NLRP5: variants seen among roughly 807,000 people sequenced by gnomAD.
NLRP5 encodes NLR family pyrin domain containing 5.
Under a neutral mutation model 113.1 loss-of-function variants are expected in NLRP5, and 93 were observed. The ratio of observed to expected loss-of-function variants is 0.82; its 90% confidence interval spans 0.70 to 0.98. The LOEUF (loss-of-function observed/expected upper bound fraction) is 0.98. NLRP5 is among the 50% of genes least tolerant of loss of function. NLRP5 has a pLI of 0.00. For synonymous variants in NLRP5, 751 were observed against 600.7 expected (o/e 1.25, Z -3.66); for missense variants, 1,808 against 1,514.3 (o/e 1.19, Z -3.22).
chr19:56,002,449 C>T (rs1441486608), intron 1 of NLRP5, among the ~76,000 whole-genome samples: 2 of 151,368 alleles, frequency 1.3e-5, no homozygotes, highest in African/African-American at 2.4e-5. Flanking sequence ...ATCTATTTGC[C>T]AGAGGTTTTT....
chr19:56,054,004 C>T (rs370721119), intron 13 of NLRP5, among the ~76,000 whole-genome samples, 196 bp downstream of exon 13: 8 of 152,122 alleles, frequency 5.3e-5, no homozygotes, highest in African/African-American at 1.9e-4. Flanking sequence ...GATGAAGTGG[C>T]AAATGCTTGG....
chr19:56,053,799 C>T lies in NLRP5; in HGVS notation c.3290C>T (p.Ala1097Val), dbSNP rs377588935. Reference sequence around the variant, plus strand: ...CTGAAGCAAAAGAACAGTGTTCTGGCGAGACTCGGGTAACTTCCTGGGGCG... The same window carrying T: ...CTGAAGCAAAAGAACAGTGTTCTGGTGAGACTCGGGTAACTTCCTGGGGCG... Residue 1097 changes from alanine (A) to valine (V), a missense_variant, in exon 13 of 15, where the codon GCG (alanine) becomes GTG (valine). Coordinates refer to ENST00000390649, the MANE Select transcript of NLRP5 (RefSeq NM_153447.4). The T allele has an allele frequency of 1.0e-4, 165 of 1,613,220 alleles. No individual in the cohort carries two copies. The highest frequency in any genetic ancestry group is 4.2e-4 in the Admixed American group (25 of 59,974).
chr19:56,040,732 A>G (rs1983490243), intron 10 of NLRP5, among the ~76,000 whole-genome samples, 190 bp from the exon 11 acceptor site: 1 of 152,156 alleles, frequency 6.6e-6, no homozygotes, highest in African/African-American at 2.4e-5. Context: ...TACTTAGAGT[A>G]TTCTTTTGGG....
At chr19:56,018,849 A>C (rs934043076) in intron 4 of NLRP5, 25 of 155,374 alleles carry the variant, frequency 1.6e-4, no homozygotes, top group African/African-American at 6.0e-4. Context: ...TTTGGAGTGC[A>C]GTGGCATGAT....
chr19:56,051,463 G>T (rs756175567), intron 12 of NLRP5, among the ~76,000 whole-genome samples: 3 of 152,164 alleles, frequency 2.0e-5, no homozygotes, highest in Non-Finnish European at 4.4e-5. Context: ...AAAGTGCTGG[G>T]ATTACAGGTG....
At chr19:55,996,091 TGAAC>T (rs1214967165), upstream of NLRP5, among the ~76,000 whole-genome samples, 3 of 152,302 alleles carry the variant, frequency 2.0e-5, no homozygotes, top group African/African-American at 7.2e-5. Flanking sequence ...CCTGCAAACA[TGAAC>T]AATCTACTTC....
At position 56,028,632 on chromosome 19, in the gene NLRP5, A is replaced by C. The variant is rs541905855; in HGVS notation, c.2276+123A>C. On this transcript the variant is annotated intron_variant, in intron 7 of 14. Coordinates refer to ENST00000390649, the MANE Select transcript of NLRP5 (RefSeq NM_153447.4). Reference sequence around the variant, plus strand: ...AGAATTCTTTCAGGATGAATGGCCCAGATGACGTCCAGCTGGCTAAAATGC... The same window carrying C: ...AGAATTCTTTCAGGATGAATGGCCCCGATGACGTCCAGCTGGCTAAAATGC... 17 of 954,322 alleles carry C rather than the reference A, an allele frequency of 1.8e-5. 1 individual carries two copies. The Admixed American group carries it at 3.6e-4, about 20-fold the overall frequency. 59.1% of individuals were successfully genotyped at this position (954,322 alleles called of 1,614,324 possible).
intron 3 of NLRP5, 39 bp from the exon 4 acceptor site, chr19:56,015,703 A>AGTAT: frequency 6.6e-7 from 1 of 1,504,492 alleles, no homozygotes; most frequent in Middle Eastern, 1.7e-4. Context: ...TAATATACAC[A>AGTAT]GTATGTTTGT....
Position 56,008,905 on chromosome 19 carries a change from G to C in NLRP5, c.508+52G>C, listed in dbSNP as rs896983289. On this transcript the variant is annotated intron_variant, in intron 3 of 14. Coordinates refer to ENST00000390649, the MANE Select transcript of NLRP5 (RefSeq NM_153447.4). ...AGGATGTGCTTAAAGACACATGGCA[G>C]CCAGTTTGCATCTCTAGGCATTAGA... The C allele has an allele frequency of 9.3e-6, 14 of 1,508,348 alleles. No homozygotes were observed. The Admixed American group carries it at 2.5e-4, about 27-fold the overall frequency. 93.4% of individuals were successfully genotyped at this position (1,508,348 alleles called of 1,614,324 possible). A position where few individuals can be genotyped will look rare whatever the true frequency, so the allele number is the denominator to read the frequency against.
Position 56,015,801 on chromosome 19 carries a change from G to T in NLRP5, c.565+3G>T. ...AGCTGCAGAGACAAAAGAACAAGGTGAATGAAATAGATCTATTCATTTGTT... is the reference window on the plus strand; with the variant it reads ...AGCTGCAGAGACAAAAGAACAAGGTTAATGAAATAGATCTATTCATTTGTT... On this transcript the variant is annotated splice_donor_region_variant and intron_variant, in intron 4 of 14. Transcript: ENST00000390649. The T allele has an allele frequency of 6.4e-7, 1 of 1,561,106 alleles. No individual in the cohort carries two copies. The highest frequency in any genetic ancestry group is 8.7e-7 in the Non-Finnish European group (1 of 1,151,966).
intron 1 of NLRP5, among the ~76,000 whole-genome samples, chr19:56,002,409 C>G (rs570321868): frequency 1.3e-4 from 19 of 151,570 alleles, no homozygotes; most frequent in Admixed American, 4.0e-4. Context: ...ATCTAAGAAC[C>G]CTGTAACTGG....
chr19:56,038,331 C>A, intron 10 of NLRP5, 136 bp downstream of exon 10: 1 of 862,718 alleles, frequency 1.2e-6, no homozygotes, highest in Non-Finnish European at 1.9e-6. Context: ...TGGGACCTCC[C>A]AAGACCTGCC....
At chr19:56,013,256 G>A (rs1040552593) in intron 3 of NLRP5, among the ~76,000 whole-genome samples, 2 of 152,042 alleles carry the variant, frequency 1.3e-5, no homozygotes, top group Non-Finnish European at 2.9e-5. Flanking sequence ...GCAGTGGTGC[G>A]ATCTCGGCTC....
rs375845864 is a variant in NLRP5, at chr19:56,026,527, C to CAAAAAAAA, written c.680-371_680-364dup. On this transcript the variant is annotated intron_variant, in intron 6 of 14. Coordinates refer to ENST00000390649, the MANE Select transcript of NLRP5 (RefSeq NM_153447.4). ...TGGGTGACAGAGCAAGACTCCATCT[C>CAAAAAAAA]AAAAAAAAAAAAAAAAAAAAAATAG... Among the ~76,000 whole-genome samples, 3 of 40,350 alleles carry CAAAAAAAA rather than the reference C, an allele frequency of 7.4e-5. 1 individual carries two copies. The highest frequency in any genetic ancestry group is 1.3e-4 in the Non-Finnish European group (3 of 23,128). 26.5% of individuals were successfully genotyped at this position (40,350 alleles called of 152,430 possible). A position where few individuals can be genotyped will look rare whatever the true frequency, so the allele number is the denominator to read the frequency against.
intron 11 of NLRP5, among the ~76,000 whole-genome samples, chr19:56,046,449 G>A (rs1983729575): frequency 7.3e-6 from 1 of 136,944 alleles, no homozygotes; most frequent in South Asian, 2.3e-4. Context: ...CCCTGGTGTT[G>A]GTATTAGGGT....
intron 10 of NLRP5, among the ~76,000 whole-genome samples, chr19:56,039,504 CT>C (rs1983439338): frequency 6.6e-6 from 1 of 152,130 alleles, no homozygotes; most frequent in Non-Finnish European, 1.5e-5. Flanking sequence ...AGCTCTCGAT[CT>C]TGGGTGTCAT....
intron 2 of NLRP5, among the ~76,000 whole-genome samples, chr19:56,005,942 C>T (rs963254159): frequency 1.3e-5 from 2 of 152,156 alleles, no homozygotes; most frequent in Admixed American, 6.6e-5. Context: ...TGACCAACTT[C>T]ATGGGCTAAT....
Position 56,055,780 on chromosome 19 carries a change from C to G in NLRP5, c.3299+1972C>G, listed in dbSNP as rs1047882025. Among the ~76,000 whole-genome samples the G allele has an allele frequency of 6.6e-5, 10 of 151,668 alleles. No individual in the cohort carries two copies. The South Asian group carries it at 1.0e-3, about 16-fold the overall frequency. ...CAGGATGGTCTCAATCTCCTGACCT[C>G]ATGATCTGCCCGCCTTGGCCTCCCA... On this transcript the variant is annotated intron_variant, in intron 13 of 14. Coordinates refer to ENST00000390649, the MANE Select transcript of NLRP5 (RefSeq NM_153447.4).
At chr19:55,997,715 T>C (rs971408179), upstream of NLRP5, among the ~76,000 whole-genome samples, 3 of 152,002 alleles carry the variant, frequency 2.0e-5, no homozygotes, top group Non-Finnish European at 2.9e-5. Flanking sequence ...ACCAAAAAAA[T>C]AGCTGGGTGT....
Sources: allele counts gnomAD v4.1 joint callset (sites outside exome capture counted in the v4.1 genomes callset), GRCh38; gene constraint gnomAD v4.1.1; transcripts MANE v1.5; gene names NCBI Gene and HGNC (gene_info 2026-07-23, HGNC 2026-07-21).